Variants in STARD13 observed in about 807,000 individuals in gnomAD.
The protein encoded by STARD13 is stAR-related lipid transfer protein 13.
STARD13 carries 62 observed loss-of-function variants against 106.4 expected under a neutral mutation model. That is an observed-to-expected ratio of 0.58 (90% confidence interval 0.48 to 0.72). The LOEUF is 0.72. Among genes scored for constraint, STARD13 ranks in the 30% least tolerant of loss-of-function variants. STARD13 has a pLI of 0.00. For missense variants in STARD13, 1,387 were observed against 1,424.0 expected (o/e 0.97, Z 0.42); for synonymous variants, 565 against 553.0 (o/e 1.02, Z -0.31).
chr13:33,128,640 T>G (rs889722203), intron 5 of STARD13, among the ~76,000 whole-genome samples: 30 of 152,176 alleles, frequency 2.0e-4, no homozygotes, highest in African/African-American at 7.2e-4. Flanking sequence ...ATTCCCTGCC[T>G]ATGGTGCCCA....
chr13:33,477,996 A>G, the STARD13 span, among the ~76,000 whole-genome samples: 1 of 151,316 alleles, frequency 6.6e-6, no homozygotes, highest in African/African-American at 2.4e-5. Context: ...ATCATGACTC[A>G]TGACTGCTTC....
chr13:33,531,406 T>G, the STARD13 span, among the ~76,000 whole-genome samples: 1 of 152,214 alleles, frequency 6.6e-6, no homozygotes, highest in African/African-American at 2.4e-5. Flanking sequence ...CAATTATTCT[T>G]GTGAATGCCA....
chr13:33,642,789 G>C, the STARD13 span, among the ~76,000 whole-genome samples: 16 of 150,734 alleles, frequency 1.1e-4, no homozygotes, highest in Non-Finnish European at 1.9e-4. Context: ...AGTGGGGGCT[G>C]TGAGATCCCC....
the STARD13 span, among the ~76,000 whole-genome samples, chr13:33,637,016 C>T: frequency 2.0e-5 from 3 of 152,206 alleles, no homozygotes; most frequent in Non-Finnish European, 4.4e-5. Flanking sequence ...GAGCAACACA[C>T]TACTCCTGAA....
intron 4 of STARD13, among the ~76,000 whole-genome samples, chr13:33,136,481 C>A (rs577714238): frequency 4.7e-4 from 71 of 152,366 alleles, no homozygotes; most frequent in African/African-American, 1.6e-3. Flanking sequence ...GAGAACCTCT[C>A]TTCCCATTTG....
At chr13:33,584,057 G>A in the STARD13 span, among the ~76,000 whole-genome samples, 2 of 152,168 alleles carry the variant, frequency 1.3e-5, no homozygotes. Flanking sequence ...TTTCCACAGT[G>A]ATTGTACCAT....
chr13:33,598,799 CAG>C, the STARD13 span, among the ~76,000 whole-genome samples: 1 of 152,218 alleles, frequency 6.6e-6, no homozygotes, highest in Non-Finnish European at 1.5e-5. Context: ...AACTTCTAAA[CAG>C]AAATTCTGGA....
chr13:33,151,613 G>A (rs1881288048), intron 3 of STARD13, among the ~76,000 whole-genome samples: 1 of 152,194 alleles, frequency 6.6e-6, no homozygotes, highest in African/African-American at 2.4e-5. Flanking sequence ...AAACCATATT[G>A]AGGGATAAGC....
chr13:33,446,510 C>T, the STARD13 span, among the ~76,000 whole-genome samples: 1 of 151,762 alleles, frequency 6.6e-6, no homozygotes, highest in East Asian at 1.9e-4. Context: ...CCCTGATTTC[C>T]TATAGATCTG....
chr13:33,395,175 C>G, the STARD13 span, among the ~76,000 whole-genome samples: 1 of 152,108 alleles, frequency 6.6e-6, no homozygotes, highest in African/African-American at 2.4e-5. Flanking sequence ...AGTTATTGTG[C>G]TCTATTTGTC....
chr13:33,300,438 C>T (rs1409843943), intron 1 of STARD13, among the ~76,000 whole-genome samples: 1 of 152,142 alleles, frequency 6.6e-6, no homozygotes, highest in Non-Finnish European at 1.5e-5. Context: ...AGGTCCCTTC[C>T]AAACTAAGAG....
chr13:33,350,433 C>G (rs936434514), exon 1 of STARD13: 2 of 1,524,262 alleles, frequency 1.3e-6, no homozygotes, highest in Admixed American at 2.0e-5. Context: ...GTCCTCATAA[C>G]GACCGGCGGG....
chr13:33,559,362 A>G, the STARD13 span, among the ~76,000 whole-genome samples: 1 of 151,632 alleles, frequency 6.6e-6, no homozygotes, highest in Non-Finnish European at 1.5e-5. Context: ...AAGAATTGGA[A>G]TAAAGTTGGA....
intron 3 of STARD13, among the ~76,000 whole-genome samples, chr13:33,162,359 C>A (rs943151494): frequency 1.3e-5 from 2 of 152,242 alleles, no homozygotes; most frequent in Non-Finnish European, 2.9e-5. Context: ...TATGACATGT[C>A]CTGGAGACAT....
chr13:33,572,523 G>T, the STARD13 span, among the ~76,000 whole-genome samples: 1 of 152,128 alleles, frequency 6.6e-6, no homozygotes, highest in African/African-American at 2.4e-5. Flanking sequence ...TCCATGACTT[G>T]TTCATTACTC....
the STARD13 span, among the ~76,000 whole-genome samples, chr13:33,497,831 A>G: frequency 6.6e-6 from 1 of 152,172 alleles, no homozygotes; most frequent in African/African-American, 2.4e-5. Flanking sequence ...GCGTCCTGGC[A>G]TATACAACCC....
the STARD13 span, among the ~76,000 whole-genome samples, chr13:33,594,168 G>A: frequency 1.3e-5 from 2 of 152,140 alleles, no homozygotes; most frequent in African/African-American, 4.8e-5. Flanking sequence ...GCCTCCCAAA[G>A]TGCTGGGATT....
At position 33,167,602 on chromosome 13, in the gene STARD13, A is replaced by G. The variant is rs922500344; in HGVS notation, c.190T>C (p.Cys64Arg). The G allele has an allele frequency of 3.7e-6, 6 of 1,614,190 alleles. No homozygotes were observed. In the East Asian group the frequency reaches 1.3e-4, roughly 36 times the overall value. The change falls in exon 2 of 14, where the codon TGT becomes CGT. Residue 64 changes from cysteine to arginine, a missense_variant. Coordinates refer to ENST00000336934, the MANE Select transcript of STARD13 (RefSeq NM_178006.4). ...IQQEIEAKEA[C>R]DWLRAAGFPQ... ...AACCCGGCAGCACGGAGCCAGTCAC[A>G]TGCTTCTTTTGCCTCAATTTCTGAA... is the stretch of plus-strand genomic sequence containing the variant.
chr13:33,272,627 G>A (rs1469918563), intron 1 of STARD13: 1 of 152,136 alleles, frequency 6.6e-6, no homozygotes, highest in African/African-American at 2.4e-5. Context: ...GCTTGCCTGG[G>A]CCTCTGGGTG....
Sources: gnomAD v4.1 joint callset for allele counts (sites outside exome capture counted in the v4.1 genomes callset) on GRCh38, gnomAD v4.1.1 for gene constraint, MANE v1.5 for transcripts, NCBI Gene and HGNC (gene_info 2026-07-23, HGNC 2026-07-21) for gene names.